The following RPRD2 variants were observed in gnomAD, a reference collection of about 807,000 sequenced individuals.
RPRD2 encodes the protein regulation of nuclear pre-mRNA domain-containing protein 2.
A neutral mutation model predicts 104.4 loss-of-function variants in RPRD2; 12 were observed. The ratio of observed to expected loss-of-function variants is 0.11; its 90% CI spans 0.07 to 0.19. The LOEUF (loss-of-function observed/expected upper bound fraction) is 0.19, where lower values mean the gene tolerates loss of function less well. RPRD2 is among the 10% of genes least tolerant of loss of function. RPRD2 has a pLI of 1.00. For synonymous variants in RPRD2, 714 were observed against 684.9 expected, an observed-to-expected ratio of 1.04 and a Z score of -0.66; for missense variants, 1,543 against 1,790.1, an observed-to-expected ratio of 0.86 and a Z score of 2.49.
At chr1:150,437,977 T>TAAAAA (rs35517552) in intron 2 of RPRD2, among the ~76,000 whole-genome samples, 1 of 129,636 alleles carries the variant, frequency 7.7e-6, no homozygotes. Flanking sequence ...TGTCATTATT[T>TAAAAA]AAAAAAAAAA....
intron 1 of RPRD2, among the ~76,000 whole-genome samples, chr1:150,388,416 G>GTATATA (rs370049726): frequency 2.1e-5 from 3 of 139,994 alleles, no homozygotes; most frequent in Non-Finnish European, 3.2e-5. Context: ...ATATACACAT[G>GTATATA]TATATATATA....
intron 1 of RPRD2, among the ~76,000 whole-genome samples, chr1:150,403,595 T>A (rs115016540): frequency 6.6e-6 from 1 of 152,092 alleles, no homozygotes; most frequent in African/African-American, 2.4e-5. Flanking sequence ...ACGTCAGAAT[T>A]TTCTCCTTCT....
intron 2 of RPRD2, among the ~76,000 whole-genome samples, chr1:150,436,356 C>T (rs999983774): frequency 1.3e-5 from 2 of 152,054 alleles, no homozygotes; most frequent in Admixed American, 1.3e-4. Flanking sequence ...AATCCCAGCA[C>T]TTTGGGAGGC....
intron 2 of RPRD2, among the ~76,000 whole-genome samples, chr1:150,429,593 G>A (rs782538155): frequency 3.3e-5 from 5 of 151,810 alleles, no homozygotes; most frequent in Non-Finnish European, 7.4e-5. Context: ...AGCCTCAAGC[G>A]ATCCTCCCAC....
chr1:150,444,190 A>G, intron 5 of RPRD2, 61 bp from the exon 6 acceptor site: 1 of 1,497,462 alleles, frequency 6.7e-7, no homozygotes, highest in Non-Finnish European at 9.1e-7. Context: ...AAATGAGGAG[A>G]GAGAGAATGA....
At chr1:150,436,583 A>G (rs1347013533) in intron 2 of RPRD2, among the ~76,000 whole-genome samples, 2 of 144,012 alleles carry the variant, frequency 1.4e-5, no homozygotes, top group African/African-American at 5.2e-5. Flanking sequence ...TGGGCAACAG[A>G]GCAAGACTCC....
At chr1:150,465,103 C>T (rs1553899647) in intron 10 of RPRD2, among the ~76,000 whole-genome samples, 1 of 151,070 alleles carries the variant, frequency 6.6e-6, no homozygotes, top group Non-Finnish European at 1.5e-5. Flanking sequence ...TCCTGGCCTC[C>T]CAAAGTGCTG....
chr1:150,473,556 T>TAAAAAAAAACA lies in RPRD2; in HGVS notation c.*231_*232insCAAAAAAAAAA, dbSNP rs1668742915. On this transcript the variant is annotated 3_prime_UTR_variant, in exon 11 of 11. Coordinates refer to ENST00000369068, the MANE Select transcript of RPRD2 (RefSeq NM_015203.5). Reference sequence around the variant, plus strand: ...TCTACCTTCCCCAAGTTGTTTGTATTAAAAAAAAAAAAAAAAAAAAAAAGT... The same window carrying TAAAAAAAAACA: ...TCTACCTTCCCCAAGTTGTTTGTATTAAAAAAAAACAAAAAAAAAAAAAAAAAAAAAAAAGT... 1.0e-5 allele frequency: 1 copy of TAAAAAAAAACA among 98,120 alleles called. No homozygotes were observed. Among genetic ancestry groups the TAAAAAAAAACA allele is most frequent in the Non-Finnish European group, 1.9e-5 (1 of 51,862 alleles). 6.1% of individuals were successfully genotyped at this position (98,120 alleles called of 1,614,324 possible).
At chr1:150,459,860 T>G (rs1431001324) in intron 8 of RPRD2, among the ~76,000 whole-genome samples, 200 bp from the exon 9 acceptor site, 1 of 152,168 alleles carries the variant, frequency 6.6e-6, no homozygotes, top group East Asian at 1.9e-4. Context: ...GGAAATTGCT[T>G]TTAAGCAGAT....
intron 10 of RPRD2, among the ~76,000 whole-genome samples, chr1:150,468,614 C>T (rs587722454): frequency 1.1e-4 from 16 of 151,902 alleles, no homozygotes; most frequent in African/African-American, 3.9e-4. Flanking sequence ...TGGTGGCTCA[C>T]GCCTGTAATC....
intron 10 of RPRD2, among the ~76,000 whole-genome samples, chr1:150,466,011 CAAAAAAAAAAAA>C (rs71578500): frequency 2.9e-5 from 2 of 69,260 alleles, no homozygotes; most frequent in South Asian, 5.8e-4. Flanking sequence ...AGACTCAGTC[CAAAAAAAAAAAA>C]AAAAAAAAAA....
intron 2 of RPRD2, among the ~76,000 whole-genome samples, chr1:150,420,168 G>A (rs151327569): frequency 2.0e-5 from 3 of 152,204 alleles, no homozygotes; most frequent in Non-Finnish European, 4.4e-5. Context: ...TATCACTGTA[G>A]TATCTATAAC....
chr1:150,376,501 C>CTTT (rs587716712), intron 1 of RPRD2, among the ~76,000 whole-genome samples: 2 of 144,476 alleles, frequency 1.4e-5, no homozygotes, highest in African/African-American at 2.5e-5. Flanking sequence ...ATGATACAGT[C>CTTT]TTTTTTTTTT....
intron 2 of RPRD2, among the ~76,000 whole-genome samples, chr1:150,421,822 T>C (rs587643582): frequency 1.3e-5 from 2 of 151,496 alleles, no homozygotes; most frequent in Non-Finnish European, 2.9e-5. Flanking sequence ...ACAAAAAAAA[T>C]TAAAAATTAG....
intron 1 of RPRD2, among the ~76,000 whole-genome samples, chr1:150,381,522 T>G (rs1661127280): frequency 6.6e-6 from 1 of 151,198 alleles, no homozygotes; most frequent in South Asian, 2.1e-4. Context: ...TTTTTTTTTT[T>G]GAGACAGGGT....
chr1:150,438,527 G>A (rs968650988), intron 2 of RPRD2, among the ~76,000 whole-genome samples: 1 of 151,856 alleles, frequency 6.6e-6, no homozygotes, highest in Admixed American at 6.6e-5. Flanking sequence ...TACCCCGGAG[G>A]CGGAGGCAGG....
chr1:150,431,582 G>A (rs1460171264), intron 2 of RPRD2, among the ~76,000 whole-genome samples: 1 of 147,812 alleles, frequency 6.8e-6, no homozygotes, highest in Non-Finnish European at 1.5e-5. Flanking sequence ...CCGGGTTCAA[G>A]CAATTCTCCT....
intron 7 of RPRD2, among the ~76,000 whole-genome samples, chr1:150,454,724 T>C (rs1354457511): frequency 6.6e-6 from 1 of 152,058 alleles, no homozygotes; most frequent in Non-Finnish European, 1.5e-5. Flanking sequence ...GGTATGTGCC[T>C]GTAGTCCCAG....
In RPRD2 at chr1:150,452,923, G is replaced by A. The variant is rs1245506274; in HGVS notation, c.871-4365G>A. Among the ~76,000 whole-genome samples the A allele has an allele frequency of 2.0e-5, 3 of 151,952 alleles. No individual in the cohort carries two copies. The East Asian group carries it at 5.8e-4, about 29-fold the overall frequency. On this transcript the variant is annotated intron_variant, in intron 7 of 10. Transcript: ENST00000369068. ...GACCTCAGGTGATCCGCCTGCCTCTGCCTCCCAAAGTGCTGAGATTACAGG... is the reference window on the plus strand; with the variant it reads ...GACCTCAGGTGATCCGCCTGCCTCTACCTCCCAAAGTGCTGAGATTACAGG...
Sources: allele counts gnomAD v4.1 joint callset (sites outside exome capture counted in the v4.1 genomes callset), GRCh38; gene constraint gnomAD v4.1.1; transcripts MANE v1.5; gene names NCBI Gene and HGNC (gene_info 2026-07-23, HGNC 2026-07-21).